The following CORIN variants were observed in gnomAD, a reference collection of about 807,000 sequenced individuals.
The protein encoded by CORIN is corin, serine peptidase, also known as atrial natriuretic peptide-converting enzyme.
In CORIN, 117 loss-of-function variants were observed where a neutral mutation model predicts 125.3. The observed-to-expected ratio is 0.93, with a 90% CI of 0.80 to 1.09. The LOEUF is 1.09. Among genes scored for constraint, CORIN ranks in the 50% least tolerant of loss-of-function variants. The pLI is 0.00. For synonymous variants in CORIN, 450 were observed against 466.4 expected (o/e 0.96, Z 0.45); for missense variants, 1,253 against 1,306.7 (o/e 0.96, Z 0.63).
intron 19 of CORIN, among the ~76,000 whole-genome samples, chr4:47,609,530 G>A (rs4695254): frequency 0.27 from 40,939 of 152,054 alleles, 5,666 homozygotes; most frequent in Admixed American, 0.35. Flanking sequence ...GTGAGCCACC[G>A]CACCCGGCTA....
intron 5 of CORIN, among the ~76,000 whole-genome samples, chr4:47,697,777 G>A (rs1726087775): frequency 6.6e-6 from 1 of 151,948 alleles, no homozygotes; most frequent in Admixed American, 6.6e-5. Flanking sequence ...TTCCCATGAG[G>A]AGAAAGGGGA....
intron 4 of CORIN, among the ~76,000 whole-genome samples, chr4:47,753,898 A>G (rs1311758344): frequency 3.3e-5 from 5 of 152,206 alleles, no homozygotes; most frequent in African/African-American, 1.2e-4. Flanking sequence ...AAGAAATTAT[A>G]AGAGTATTAT....
chr4:47,665,277 A>T lies in CORIN; in HGVS notation c.1358-14T>A. ...GTTCACATTGACCTAACAAAGAAAC[A>T]TACACACAAATATTTTTAAATTTCA... On this transcript the variant is annotated splice_polypyrimidine_tract_variant and intron_variant, in intron 10 of 21. Coordinates refer to ENST00000273857, the MANE Select transcript of CORIN (RefSeq NM_006587.4). 1 of 1,545,742 alleles carries T rather than the reference A, an allele frequency of 6.5e-7. No homozygotes were observed. The highest frequency in any genetic ancestry group is 8.9e-7 in the Non-Finnish European group (1 of 1,127,794).
chr4:47,693,585 A>G, intron 5 of CORIN, among the ~76,000 whole-genome samples: 1 of 152,216 alleles, frequency 6.6e-6, no homozygotes, highest in East Asian at 1.9e-4. Context: ...ATAGAGACCC[A>G]GTGCCCTGTA....
At chr4:47,819,602 CAG>C (rs1732417452) in intron 1 of CORIN, among the ~76,000 whole-genome samples, 1 of 152,054 alleles carries the variant, frequency 6.6e-6, no homozygotes, top group African/African-American at 2.4e-5. Context: ...TGAAGGGAAT[CAG>C]AGTCTCCCAA....
At chr4:47,697,392 G>A (rs920468018) in intron 5 of CORIN, among the ~76,000 whole-genome samples, 5 of 152,084 alleles carry the variant, frequency 3.3e-5, no homozygotes. Context: ...CAGTAGGTAT[G>A]GATGAGGGTC....
At chr4:47,760,658 A>C (rs1286856585) in intron 4 of CORIN, among the ~76,000 whole-genome samples, 1 of 152,218 alleles carries the variant, frequency 6.6e-6, no homozygotes, top group Non-Finnish European at 1.5e-5. Context: ...CAGCTGAATT[A>C]GACCTTAACA....
At chr4:47,694,119 G>C (rs888308703) in intron 5 of CORIN, among the ~76,000 whole-genome samples, 3 of 152,118 alleles carry the variant, frequency 2.0e-5, no homozygotes, top group Non-Finnish European at 4.4e-5. Flanking sequence ...ACCATAATGA[G>C]GAATACTGTT....
intron 3 of CORIN, among the ~76,000 whole-genome samples, chr4:47,779,446 T>C (rs2109903030): frequency 6.6e-6 from 1 of 152,058 alleles, no homozygotes; most frequent in African/African-American, 2.4e-5. Flanking sequence ...CTTTTTTTTT[T>C]TTCTTTTTTA....
At chr4:47,761,426 A>G (rs1331066679) in intron 4 of CORIN, among the ~76,000 whole-genome samples, 2 of 152,066 alleles carry the variant, frequency 1.3e-5, no homozygotes, top group Non-Finnish European at 2.9e-5. Context: ...AATAGTCAAT[A>G]TATGGAATCA....
chr4:47,803,685 C>T (rs570880776), intron 2 of CORIN, among the ~76,000 whole-genome samples: 286 of 152,316 alleles, frequency 1.9e-3, no homozygotes, highest in African/African-American at 6.5e-3. Flanking sequence ...TGCTATCTCT[C>T]GCTATATTCA....
At chr4:47,825,534 C>T (rs1447919433) in intron 1 of CORIN, among the ~76,000 whole-genome samples, 2 of 152,074 alleles carry the variant, frequency 1.3e-5, no homozygotes, top group South Asian at 2.1e-4. Context: ...ATCACACATT[C>T]GCTAACATTC....
At chr4:47,716,671 T>G (rs1473241580) in intron 5 of CORIN, among the ~76,000 whole-genome samples, 1 of 152,174 alleles carries the variant, frequency 6.6e-6, no homozygotes, top group Non-Finnish European at 1.5e-5. Flanking sequence ...GATGACTTTT[T>G]CTACTTGTAT....
At chr4:47,660,160 A>G (rs1169493679) in intron 12 of CORIN, among the ~76,000 whole-genome samples, 1 of 152,170 alleles carries the variant, frequency 6.6e-6, no homozygotes, top group East Asian at 1.9e-4. Context: ...TTAGACCCCT[A>G]TCTCTCACCA....
At chr4:47,830,755 C>G (rs550731109) in intron 1 of CORIN, among the ~76,000 whole-genome samples, 1 of 152,282 alleles carries the variant, frequency 6.6e-6, no homozygotes, top group South Asian at 2.1e-4. Flanking sequence ...AAAGATTTTT[C>G]ACCATTCAGG....
At chr4:47,611,202 C>T (rs1303254989) in intron 19 of CORIN, among the ~76,000 whole-genome samples, 2 of 152,150 alleles carry the variant, frequency 1.3e-5, no homozygotes, top group Admixed American at 1.3e-4. Flanking sequence ...GCCATTTTCA[C>T]AATATTGATT....
intron 5 of CORIN, among the ~76,000 whole-genome samples, chr4:47,721,274 C>CTT (rs1242563708): frequency 2.1e-5 from 3 of 143,572 alleles, no homozygotes; most frequent in African/African-American, 2.5e-5. Flanking sequence ...CTCATTTTTT[C>CTT]TTTTTTTTTT....
chr4:47,645,118 G>A lies in CORIN; in HGVS notation c.1920C>T (p.Phe640=). ...CGTCCATGTAATCAGGGCAGTCTGG[G>A]AACCCATCGCAGATCACTGTGTGCT... ...CLKHTVICDG[F]PDCPDYMDEK... The change falls in exon 14 of 22, where the codon TTC becomes TTT. Residue 640 remains phenylalanine, a synonymous_variant. Coordinates refer to ENST00000273857, the MANE Select transcript of CORIN (RefSeq NM_006587.4). The A allele has an allele frequency of 6.2e-7, 1 of 1,612,674 alleles. No individual in the cohort carries two copies. Among genetic ancestry groups the A allele is most frequent in the South Asian group, 1.1e-5 (1 of 90,910 alleles).
rs141607434 is a variant in CORIN at position 47,594,300 on chromosome 4, G to T, written c.*1421C>A. ...ACACAGAAAAGATACAAAAATACAT[G>T]TATAAAATTGCAGGTAGTATCTATT... On this transcript the variant is annotated 3_prime_UTR_variant, in exon 22 of 22. Coordinates refer to ENST00000273857, the MANE Select transcript of CORIN (RefSeq NM_006587.4). 6.6e-6 allele frequency: 1 copy of T among 152,604 alleles called. No individual in the cohort carries two copies. The highest frequency in any genetic ancestry group is 1.9e-4 in the East Asian group (1 of 5,184). The allele number at this position is 152,604 out of a possible 1,614,324, so 9.5% of individuals were successfully genotyped here.
Sources: allele counts gnomAD v4.1 joint callset (sites outside exome capture counted in the v4.1 genomes callset), GRCh38; gene constraint gnomAD v4.1.1; transcripts MANE v1.5; gene names NCBI Gene and HGNC (gene_info 2026-07-23, HGNC 2026-07-21).